SAMD8: variants seen among roughly 807,000 people sequenced by gnomAD.
The protein encoded by SAMD8 is sphingomyelin synthase-related protein 1.
Under a neutral mutation model 42.0 loss-of-function variants are expected in SAMD8, and 20 were observed. The ratio of observed to expected loss-of-function variants is 0.48; its 90% CI spans 0.34 to 0.69. SAMD8 has a LOEUF of 0.69. Among genes scored for constraint, SAMD8 ranks in the 30% least tolerant of loss-of-function variants. The probability of loss-of-function intolerance (pLI) is 0.01; values close to 1 mark genes in which losing one functional copy is unlikely to be tolerated. For synonymous variants in SAMD8, 162 were observed against 173.0 expected, an observed-to-expected ratio of 0.94 and a Z score of 0.50; for missense variants, 328 against 511.6, an observed-to-expected ratio of 0.64 and a Z score of 3.46.
intron 1 of SAMD8, among the ~76,000 whole-genome samples, chr10:75,126,116 A>G (rs973406511): frequency 3.3e-5 from 5 of 151,892 alleles, no homozygotes; most frequent in African/African-American, 1.2e-4. Context: ...TGATCTATTT[A>G]TTTATTTTTA....
intron 4 of SAMD8, among the ~76,000 whole-genome samples, chr10:75,171,260 A>G (rs1243701394): frequency 7.8e-6 from 1 of 127,980 alleles, no homozygotes; most frequent in Non-Finnish European, 1.5e-5. Flanking sequence ...TCTGCCTCCC[A>G]GGTTCATGCC....
chr10:75,111,079 C>T (rs561764426), upstream of SAMD8, among the ~76,000 whole-genome samples: 3 of 152,338 alleles, frequency 2.0e-5, no homozygotes, highest in East Asian at 5.8e-4. Flanking sequence ...TCCCAAAGTG[C>T]TGGGATTACA....
At chr10:75,140,387 G>C (rs545949502) in intron 1 of SAMD8, among the ~76,000 whole-genome samples, 1 of 152,284 alleles carries the variant, frequency 6.6e-6, no homozygotes, top group Non-Finnish European at 1.5e-5. Flanking sequence ...TTACAGGCTT[G>C]AGCCACCCCG....
chr10:75,135,891 G>C (rs1053975270), intron 1 of SAMD8, among the ~76,000 whole-genome samples: 1 of 151,786 alleles, frequency 6.6e-6, no homozygotes, highest in Non-Finnish European at 1.5e-5. Flanking sequence ...TATTTTGATT[G>C]CTGCTTTTTT....
At chr10:75,121,218 A>G (rs553358992) in intron 1 of SAMD8, among the ~76,000 whole-genome samples, 13 of 152,350 alleles carry the variant, frequency 8.5e-5, no homozygotes, top group Admixed American at 8.5e-4. Context: ...GTGAGGCCCA[A>G]GAAAGTTATG....
At chr10:75,133,893 C>T (rs1400078650) in intron 1 of SAMD8, among the ~76,000 whole-genome samples, 2 of 152,166 alleles carry the variant, frequency 1.3e-5, no homozygotes, top group African/African-American at 2.4e-5. Flanking sequence ...CTGCAAAGAA[C>T]GTGATCTCAT....
At position 75,154,637 on chromosome 10, in the gene SAMD8, A is replaced by G. The variant is rs151144884; in HGVS notation, c.578+3531A>G. ...ACAAGAGTTGAGGGATCTAACTTCT[A>G]TTTTAAAAGGTCATTCTAGTTGTTG... is the stretch of plus-strand genomic sequence containing the variant. On this transcript the variant is annotated intron_variant, in intron 2 of 5. Coordinates refer to ENST00000542569, the MANE Select transcript of SAMD8 (RefSeq NM_001174156.2). 7.5e-3 allele frequency among the ~76,000 whole-genome samples: 1,141 copies of G among 151,550 alleles called. 7 individuals carry two copies. The highest frequency in any genetic ancestry group is 0.02 in the Middle Eastern group (6 of 294).
intron 3 of SAMD8, among the ~76,000 whole-genome samples, chr10:75,168,172 A>G (rs1233133296): frequency 6.6e-6 from 1 of 151,928 alleles, no homozygotes; most frequent in African/African-American, 2.4e-5. Context: ...TCTTAGCCAT[A>G]TTTTCTTATC....
chr10:75,164,538 A>G (rs1840631830), intron 2 of SAMD8, 107 bp from the exon 3 acceptor site: 1 of 1,486,008 alleles, frequency 6.7e-7, no homozygotes, highest in Non-Finnish European at 9.0e-7. Context: ...GAGATAAGTT[A>G]TATAAAACCA....
At chr10:75,140,989 T>C (rs1256807649) in intron 1 of SAMD8, among the ~76,000 whole-genome samples, 10 of 152,202 alleles carry the variant, frequency 6.6e-5, no homozygotes, top group Non-Finnish European at 1.5e-5. Flanking sequence ...ATATTTTTTA[T>C]GCTATTATAA....
chr10:75,174,598 C>T lies in SAMD8; in HGVS notation c.793-1468C>T, dbSNP rs550556857. Reference sequence around the variant, plus strand: ...TACAGGCATGTGCCACCATGCCCAGCTAATTTTTGTACTTTTAGTAGAGAT... The same window carrying T: ...TACAGGCATGTGCCACCATGCCCAGTTAATTTTTGTACTTTTAGTAGAGAT... On this transcript the variant is annotated intron_variant, in intron 4 of 5. Transcript: ENST00000542569. 3.5e-5 allele frequency among the ~76,000 whole-genome samples: 5 copies of T among 142,096 alleles called. No individual in the cohort carries two copies. The East Asian group carries it at 1.1e-3, about 31-fold the overall frequency. The allele number at this position is 142,096 out of a possible 152,430, so 93.2% of individuals were successfully genotyped here.
intron 1 of SAMD8, among the ~76,000 whole-genome samples, chr10:75,123,391 A>G (rs765425029): frequency 6.6e-6 from 1 of 152,062 alleles, no homozygotes; most frequent in African/African-American, 2.4e-5. Context: ...AAGTTCCCCA[A>G]ATGGACTCCT....
At chr10:75,155,882 A>G (rs891228347) in intron 2 of SAMD8, among the ~76,000 whole-genome samples, 2 of 152,182 alleles carry the variant, frequency 1.3e-5, no homozygotes, top group Admixed American at 1.3e-4. Context: ...ACTCAGCAAC[A>G]ATAGCACTAT....
At chr10:75,136,925 C>T (rs1029519763) in intron 1 of SAMD8, among the ~76,000 whole-genome samples, 3 of 152,024 alleles carry the variant, frequency 2.0e-5, no homozygotes, top group Admixed American at 1.3e-4. Flanking sequence ...CAGAAAATTA[C>T]AAGTATTAGC....
At chr10:75,117,009 C>T (rs1294717037) in intron 1 of SAMD8, among the ~76,000 whole-genome samples, 1 of 150,440 alleles carries the variant, frequency 6.6e-6, no homozygotes, top group African/African-American at 2.4e-5. Context: ...CGAGGTCTCA[C>T]TATGTTGCTC....
At chr10:75,114,316 A>G (rs113218746) in intron 1 of SAMD8, among the ~76,000 whole-genome samples, 51 of 146,190 alleles carry the variant, frequency 3.5e-4, no homozygotes, top group African/African-American at 1.2e-3. Context: ...AGCCTGGGCA[A>G]CAGAGTGATA....
intron 1 of SAMD8, among the ~76,000 whole-genome samples, chr10:75,148,048 A>G (rs1840185145): frequency 6.6e-6 from 1 of 152,190 alleles, no homozygotes; most frequent in South Asian, 2.1e-4. Flanking sequence ...AATAATTTTC[A>G]AAGACAGGGA....
chr10:75,161,570 T>C (rs1263068194), intron 2 of SAMD8, among the ~76,000 whole-genome samples: 2 of 151,286 alleles, frequency 1.3e-5, no homozygotes, highest in African/African-American at 2.4e-5. Context: ...AAAAGTAAAT[T>C]GGAAAACAAA....
chr10:75,132,783 G>A (rs895901398), intron 1 of SAMD8, among the ~76,000 whole-genome samples: 6 of 151,908 alleles, frequency 3.9e-5, no homozygotes, highest in African/African-American at 1.5e-4. Context: ...GAGCCCAGGA[G>A]TTCAAGACCA....
Sources: allele counts gnomAD v4.1 joint callset (sites outside exome capture counted in the v4.1 genomes callset), GRCh38; gene constraint gnomAD v4.1.1; transcripts MANE v1.5; gene names NCBI Gene and HGNC (gene_info 2026-07-23, HGNC 2026-07-21).